Variants in SEL1L2 observed in about 807,000 individuals in gnomAD.
SEL1L2 encodes protein sel-1 homolog 2.
SEL1L2 carries 89 observed loss-of-function variants against 98.8 expected under a neutral mutation model. The ratio of observed to expected loss-of-function variants is 0.90; its 90% CI spans 0.76 to 1.07. The LOEUF is 1.07. SEL1L2 is among the 50% of genes least tolerant of loss of function. SEL1L2 has a pLI of 0.00. For missense variants in SEL1L2, 788 were observed against 812.0 expected, an observed-to-expected ratio of 0.97 and a Z score of 0.36; for synonymous variants, 262 against 278.5, an observed-to-expected ratio of 0.94 and a Z score of 0.59.
intron 17 of SEL1L2, among the ~76,000 whole-genome samples, chr20:13,862,467 GGTCTAGCATTAAGT>G (rs1358606580): frequency 6.6e-4 from 100 of 152,220 alleles, no homozygotes; most frequent in African/African-American, 2.3e-3. Flanking sequence ...TATGAGCTCA[GGTCTAGCATTAAGT>G]GATATAGGAC....
chr20:13,963,065 C>CA lies in SEL1L2; in HGVS notation c.59-6935dup, dbSNP rs11472589. 1.7e-3 allele frequency among the ~76,000 whole-genome samples: 243 copies of CA among 140,578 alleles called. 2 individuals carry two copies. The highest frequency in any genetic ancestry group is 3.7e-3 in the Middle Eastern group (1 of 270). The allele number at this position is 140,578 out of a possible 152,430, so 92.2% of individuals were successfully genotyped here. On this transcript the variant is annotated intron_variant, in intron 1 of 19. Transcript: ENST00000284951. ...TAGGCAGCAGAGCAAGACTCCATCTCAAAAAAAAAAAGAAGAGGAAGAAGA... is the reference window on the plus strand; with the variant it reads ...TAGGCAGCAGAGCAAGACTCCATCTCAAAAAAAAAAAAGAAGAGGAAGAAGA...
chr20:13,886,385 T>C lies in SEL1L2; in HGVS notation c.803A>G (p.Glu268Gly), dbSNP rs371354562. ...GVPVEKVRLT[E>G]RPENLSSNSE... ...GTTAGAACTCAGATTTTCAGGTCTT[T>C]CCGTTAGTCTCACTTTTTCCACTGG... Residue 268 changes from glutamate (E) to glycine (G), a missense_variant, in exon 9 of 20, where the codon GAA becomes GGA. By Grantham distance (98) the Glu-to-Gly change is moderately conservative. Coordinates refer to ENST00000284951, the MANE Select transcript of SEL1L2 (RefSeq NM_025229.2). 6.8e-6 allele frequency: 11 copies of C among 1,613,892 alleles called. No individual in the cohort carries two copies. The highest frequency in any genetic ancestry group is 9.3e-6 in the Non-Finnish European group (11 of 1,179,922).
At chr20:13,860,935 T>C (rs1438483536) in intron 17 of SEL1L2, among the ~76,000 whole-genome samples, 2 of 152,170 alleles carry the variant, frequency 1.3e-5, no homozygotes, top group African/African-American at 4.8e-5. Flanking sequence ...CCTGTCTCAG[T>C]ACAGCACCCC....
chr20:13,887,097 TTTAA>T (rs1485944631), intron 8 of SEL1L2, among the ~76,000 whole-genome samples: 3 of 152,362 alleles, frequency 2.0e-5, no homozygotes, highest in South Asian at 4.1e-4. Flanking sequence ...ATCACTGCTC[TTTAA>T]TTACTTCCTA....
At chr20:13,936,961 C>G (rs993579781) in intron 2 of SEL1L2, among the ~76,000 whole-genome samples, 6 of 152,182 alleles carry the variant, frequency 3.9e-5, no homozygotes, top group African/African-American at 1.4e-4. Context: ...ACAGTCTGAC[C>G]TAAAAATGTC....
chr20:13,929,559 G>A (rs1288885177), intron 3 of SEL1L2, among the ~76,000 whole-genome samples: 4 of 118,134 alleles, frequency 3.4e-5, no homozygotes, highest in African/African-American at 1.3e-4. Context: ...GCAGTGGCCC[G>A]ATCTCAGCTC....
intron 1 of SEL1L2, among the ~76,000 whole-genome samples, chr20:13,969,267 GC>G (rs1226822556): frequency 6.6e-6 from 1 of 152,104 alleles, no homozygotes; most frequent in Non-Finnish European, 1.5e-5. Context: ...TTTCTCATGT[GC>G]CCCCTCCCAA....
At chr20:13,912,773 A>G (rs1389519688) in intron 5 of SEL1L2, among the ~76,000 whole-genome samples, 1 of 152,246 alleles carries the variant, frequency 6.6e-6, no homozygotes, top group African/African-American at 2.4e-5. Context: ...TAGGCACAGT[A>G]TCCAGTGTCC....
intron 5 of SEL1L2, among the ~76,000 whole-genome samples, chr20:13,893,333 G>A (rs1761475822): frequency 6.6e-6 from 1 of 152,072 alleles, no homozygotes; most frequent in South Asian, 2.1e-4. Flanking sequence ...TGTTAACACA[G>A]GCAAATGGTA....
At chr20:13,942,261 A>G (rs1190942720) in intron 2 of SEL1L2, among the ~76,000 whole-genome samples, 1 of 152,232 alleles carries the variant, frequency 6.6e-6, no homozygotes, top group Non-Finnish European at 1.5e-5. Flanking sequence ...GTATAGATGC[A>G]GATTCCATAT....
chr20:13,985,338 C>CT (rs776975514), intron 1 of SEL1L2, among the ~76,000 whole-genome samples: 2 of 152,188 alleles, frequency 1.3e-5, no homozygotes, highest in South Asian at 4.1e-4. Context: ...AGACAATGCT[C>CT]TTTCATTCCT....
At chr20:13,994,258 T>C (rs115585080), upstream of SEL1L2, among the ~76,000 whole-genome samples, 1,170 of 139,242 alleles carry the variant, frequency 8.4e-3, 18 homozygotes, top group African/African-American at 0.03. Context: ...ATGGAGCCAT[T>C]GCCCTCCAGC....
intron 5 of SEL1L2, among the ~76,000 whole-genome samples, chr20:13,898,037 T>C (rs1488112402): frequency 6.6e-6 from 1 of 152,126 alleles, no homozygotes; most frequent in East Asian, 1.9e-4. Context: ...TTAGTGGGAA[T>C]GTGAAATGGT....
At chr20:13,973,032 C>T (rs1469111330) in intron 1 of SEL1L2, among the ~76,000 whole-genome samples, 3 of 152,024 alleles carry the variant, frequency 2.0e-5, no homozygotes, top group Non-Finnish European at 4.4e-5. Flanking sequence ...TTGTATGTAT[C>T]CTCCAAGTGC....
At chr20:13,956,311 A>C (rs986672675) in intron 1 of SEL1L2, among the ~76,000 whole-genome samples, 180 bp from the exon 2 acceptor site, 2 of 152,154 alleles carry the variant, frequency 1.3e-5, no homozygotes, top group Non-Finnish European at 2.9e-5. Flanking sequence ...CTTCACTGAT[A>C]ATTTGTAAAG....
chr20:13,926,084 C>T (rs996078782), intron 3 of SEL1L2, among the ~76,000 whole-genome samples: 7 of 152,184 alleles, frequency 4.6e-5, no homozygotes, highest in Non-Finnish European at 1.0e-4. Context: ...TTTGGGAGGA[C>T]AAGGCGGGCG....
intron 4 of SEL1L2, chr20:13,915,313 A>C: frequency 2.9e-5 from 34 of 1,161,586 alleles, no homozygotes; most frequent in Non-Finnish European, 3.5e-5. Context: ...TCAGGAGATC[A>C]AGAAAGAAAT....
chr20:13,930,260 G>T (rs527573247), intron 3 of SEL1L2, among the ~76,000 whole-genome samples: 1 of 152,198 alleles, frequency 6.6e-6, no homozygotes, highest in Non-Finnish European at 1.5e-5. Flanking sequence ...GTGAGGTGGG[G>T]CTGTTTCTTC....
chr20:13,880,032 ATGTTGAATCCTCTGTACTTAG>A (rs2046621975), intron 10 of SEL1L2, among the ~76,000 whole-genome samples: 1 of 152,142 alleles, frequency 6.6e-6, no homozygotes, highest in South Asian at 2.1e-4. Context: ...GTCTCCTCCA[ATGTTGAATCCTCTGTACTTAG>A]CATAGTGTGG....
Sources: allele counts gnomAD v4.1 joint callset (sites outside exome capture counted in the v4.1 genomes callset), GRCh38; gene constraint gnomAD v4.1.1; transcripts MANE v1.5; gene names NCBI Gene and HGNC (gene_info 2026-07-23, HGNC 2026-07-21).